The following RASA1 variants were observed in gnomAD, a reference collection of about 807,000 sequenced individuals.
RASA1 encodes the protein ras GTPase-activating protein 1.
Under a neutral mutation model 132.2 loss-of-function variants are expected in RASA1, and 25 were observed. The ratio of observed to expected loss-of-function variants is 0.19; its 90% CI spans 0.14 to 0.26. RASA1 has a LOEUF of 0.26. Ranked by LOEUF, RASA1 falls within the 10% of genes least tolerant of loss-of-function variation. RASA1 has a pLI of 1.00. For missense variants in RASA1, 964 were observed against 1,299.2 expected, an observed-to-expected ratio of 0.74 and a Z score of 3.97; for synonymous variants, 477 against 449.9, an observed-to-expected ratio of 1.06 and a Z score of -0.76.
intron 7 of RASA1, among the ~76,000 whole-genome samples, chr5:87,347,916 GA>G (rs1758978343): frequency 6.6e-6 from 1 of 151,916 alleles, no homozygotes. Context: ...ATACAAGGTT[GA>G]AAAGGAGCTA....
At chr5:87,319,676 C>T (rs1756631239) in intron 1 of RASA1, among the ~76,000 whole-genome samples, 1 of 152,204 alleles carries the variant, frequency 6.6e-6, no homozygotes, top group African/African-American at 2.4e-5. Context: ...ATTTTTCCCT[C>T]TTAGACCTCC....
In RASA1 at chr5:87,268,165, A is replaced by G. The variant is rs903594575; in HGVS notation, c.-287A>G. ...AGCGAGGAAGTTTTCGCTTCTGTACATGTGTTTGTGTGCGTGAGTGTGGGT... is the reference window on the plus strand; with the variant it reads ...AGCGAGGAAGTTTTCGCTTCTGTACGTGTGTTTGTGTGCGTGAGTGTGGGT... On this transcript the variant is annotated 5_prime_UTR_variant, in exon 1 of 25. The change abolishes an upstream ATG in the 5' untranslated region. Transcript: ENST00000274376. 6 of 498,880 alleles carry G rather than the reference A, an allele frequency of 1.2e-5. No homozygotes were observed. The highest frequency in any genetic ancestry group is 5.9e-5 in the African/African-American group (3 of 50,824). 30.9% of individuals were successfully genotyped at this position (498,880 alleles called of 1,614,324 possible). A position where few individuals can be genotyped will look rare whatever the true frequency, so the allele number is the denominator to read the frequency against.
chr5:87,287,703 TATGTACACGCCATAG>T (rs1754701294), intron 1 of RASA1, among the ~76,000 whole-genome samples: 1 of 83,676 alleles, frequency 1.2e-5, no homozygotes, highest in African/African-American at 4.7e-5. Context: ...ATATACCATA[TATGTACACGCCATAG>T]ATATACCATT....
At chr5:87,316,149 T>G (rs543078870) in intron 1 of RASA1, among the ~76,000 whole-genome samples, 2 of 152,322 alleles carry the variant, frequency 1.3e-5, no homozygotes, top group Admixed American at 6.5e-5. Flanking sequence ...AAAAGCAAAT[T>G]ACAAGTATAA....
Position 87,291,053 on chromosome 5 carries a change from A to G in RASA1, c.539+22063A>G, listed in dbSNP as rs189556477. Reference sequence around the variant, plus strand: ...AACTGTCTTCCATAGTGGCTGCACCATTTTGCATTCCCACCTGTAGTGAGT... The same window carrying G: ...AACTGTCTTCCATAGTGGCTGCACCGTTTTGCATTCCCACCTGTAGTGAGT... On this transcript the variant is annotated intron_variant, in intron 1 of 24. Coordinates refer to ENST00000274376, the MANE Select transcript of RASA1 (RefSeq NM_002890.3). 5.6e-4 allele frequency among the ~76,000 whole-genome samples: 86 copies of G among 152,272 alleles called. No individual in the cohort carries two copies. In the East Asian group the frequency reaches 0.01, roughly 18 times the overall value.
chr5:87,303,708 T>C (rs1755479025), intron 1 of RASA1, among the ~76,000 whole-genome samples: 1 of 152,054 alleles, frequency 6.6e-6, no homozygotes, highest in African/African-American at 2.4e-5. Context: ...ATTAATGTTC[T>C]ATGTTCACTT....
chr5:87,342,338 T>C (rs922890257), intron 6 of RASA1, among the ~76,000 whole-genome samples: 1 of 152,026 alleles, frequency 6.6e-6, no homozygotes, highest in African/African-American at 2.4e-5. Flanking sequence ...ATTGTACCTT[T>C]AGTAGAGATG....
Position 87,363,654 on chromosome 5 carries a change from T to C in RASA1, c.1610+150T>C, listed in dbSNP as rs981648153. 4 of 771,058 alleles carry C rather than the reference T, an allele frequency of 5.2e-6. No individual in the cohort carries two copies. In the African/African-American group the frequency reaches 5.3e-5, roughly 10 times the overall value. 47.8% of individuals were successfully genotyped at this position (771,058 alleles called of 1,614,324 possible). On this transcript the variant is annotated intron_variant, in intron 11 of 24. Coordinates refer to ENST00000274376, the MANE Select transcript of RASA1 (RefSeq NM_002890.3). Reference sequence around the variant, plus strand: ...AATTTTTGCCTTCCTTGCTTAATTGTAGACTAATATATACATAAAGTCTAC... The same window carrying C: ...AATTTTTGCCTTCCTTGCTTAATTGCAGACTAATATATACATAAAGTCTAC...
chr5:87,333,263 C>G lies in RASA1; in HGVS notation c.829-4C>G, dbSNP rs760473638. 1 of 1,605,072 alleles carries G rather than the reference C, an allele frequency of 6.2e-7. No homozygotes were observed. Among genetic ancestry groups the G allele is most frequent in the Non-Finnish European group, 8.5e-7 (1 of 1,176,470 alleles). The stretch of plus-strand genomic sequence containing the variant: ...TTAAATCTTTTTTTTTTTATGGTTT[C>G]TAGCCAGTAGAAGATAGAAGGCGTG... On this transcript the variant is annotated splice_polypyrimidine_tract_variant and splice_region_variant and intron_variant, in intron 3 of 24. Transcript: ENST00000274376.
intron 11 of RASA1, among the ~76,000 whole-genome samples, chr5:87,365,809 CTAGTT>C (rs1416980468): frequency 6.6e-6 from 1 of 151,776 alleles, no homozygotes; most frequent in Non-Finnish European, 1.5e-5. Flanking sequence ...TATGGAAATG[CTAGTT>C]AAGTTTATGA....
intron 1 of RASA1, among the ~76,000 whole-genome samples, chr5:87,324,733 T>C (rs1454146140): frequency 6.6e-6 from 1 of 152,146 alleles, no homozygotes; most frequent in African/African-American, 2.4e-5. Flanking sequence ...AAACACGCCC[T>C]CTTCTCCCCT....
intron 1 of RASA1, among the ~76,000 whole-genome samples, chr5:87,288,687 T>C (rs2112263667): frequency 6.6e-6 from 1 of 152,268 alleles, no homozygotes; most frequent in South Asian, 2.1e-4. Flanking sequence ...ATGTAAATGT[T>C]TTTATTGGAT....
At chr5:87,280,826 G>T (rs965304343) in intron 1 of RASA1, among the ~76,000 whole-genome samples, 41 of 151,494 alleles carry the variant, frequency 2.7e-4, no homozygotes, top group Admixed American at 2.2e-3. Context: ...GTCCGATCTC[G>T]GCTGACTGCA....
intron 4 of RASA1, among the ~76,000 whole-genome samples, chr5:87,336,810 T>A (rs375800441): frequency 6.6e-6 from 1 of 152,118 alleles, no homozygotes; most frequent in South Asian, 2.1e-4. Context: ...AGTGGTAATG[T>A]CTGCTGCCAT....
At chr5:87,285,289 G>A (rs1754500288) in intron 1 of RASA1, among the ~76,000 whole-genome samples, 1 of 151,778 alleles carries the variant, frequency 6.6e-6, no homozygotes, top group Admixed American at 6.6e-5. Flanking sequence ...GGATGGTCTT[G>A]ATTTCTTGAC....
At chr5:87,271,239 AAAACAAAC>A (rs550715329) in intron 1 of RASA1, among the ~76,000 whole-genome samples, 1 of 152,070 alleles carries the variant, frequency 6.6e-6, no homozygotes, top group Non-Finnish European at 1.5e-5. Flanking sequence ...ACCCCGTCTC[AAAACAAAC>A]AAACAAACAA....
rs1361689538 is a variant in RASA1 at position 87,390,783 on chromosome 5, A to AT, written c.3061-12dup. On this transcript the variant is annotated splice_polypyrimidine_tract_variant and intron_variant, in intron 24 of 24. Coordinates refer to ENST00000274376, the MANE Select transcript of RASA1 (RefSeq NM_002890.3). Reference sequence around the variant, plus strand: ...CCGAGCTTTCATTTATTTTCATACCATTTTTCCTCTGTCTAGCACGTATTG... The same window carrying AT: ...CCGAGCTTTCATTTATTTTCATACCATTTTTTCCTCTGTCTAGCACGTATTG... 1 of 1,597,940 alleles carries AT rather than the reference A, an allele frequency of 6.3e-7. No individual in the cohort carries two copies. The highest frequency in any genetic ancestry group is 8.6e-7 in the Non-Finnish European group (1 of 1,165,620).
chr5:87,361,017 T>TAC (rs1406199705), intron 9 of RASA1, among the ~76,000 whole-genome samples: 4 of 152,158 alleles, frequency 2.6e-5, no homozygotes, highest in Non-Finnish European at 5.9e-5. Flanking sequence ...GCAACACAGT[T>TAC]ACACACACAC....
In RASA1 at chr5:87,278,540, T is replaced by C. The variant is rs532870652; in HGVS notation, c.539+9550T>C. 1.6e-3 allele frequency among the ~76,000 whole-genome samples: 242 copies of C among 151,964 alleles called. 1 individual carries two copies. Among genetic ancestry groups the C allele is most frequent in the Middle Eastern group, 6.8e-3 (2 of 294 alleles). On this transcript the variant is annotated intron_variant, in intron 1 of 24. Transcript: ENST00000274376. Reference sequence around the variant, plus strand: ...CAGCCTGGGCGACAGAGCGAGACTCTGTCTCAAAAAAAAAGAAAAGAAAAA... The same window carrying C: ...CAGCCTGGGCGACAGAGCGAGACTCCGTCTCAAAAAAAAAGAAAAGAAAAA...
Sources: allele counts gnomAD v4.1 joint callset (sites outside exome capture counted in the v4.1 genomes callset), GRCh38; gene constraint gnomAD v4.1.1; transcripts MANE v1.5; gene names NCBI Gene and HGNC (gene_info 2026-07-23, HGNC 2026-07-21).